TUBGCP6: variants seen among roughly 807,000 people sequenced by gnomAD.
The protein encoded by TUBGCP6 is tubulin gamma complex component 6.
A neutral mutation model predicts 175.8 loss-of-function variants in TUBGCP6; 161 were observed. The observed-to-expected ratio is 0.92, with a 90% CI of 0.81 to 1.04. The LOEUF (loss-of-function observed/expected upper bound fraction) is 1.04, where lower values mean the gene tolerates loss of function less well. Among genes scored for constraint, TUBGCP6 ranks in the 50% least tolerant of loss-of-function variants. The probability of loss-of-function intolerance (pLI) is 0.00; values close to 1 mark genes in which losing one functional copy is unlikely to be tolerated. For missense variants in TUBGCP6, 2,572 were observed against 2,433.0 expected (o/e 1.06, Z -1.20); for synonymous variants, 1,173 against 1,030.5 (o/e 1.14, Z -2.65).
At chr22:50,223,950 C>G (rs984035980) in intron 13 of TUBGCP6, 191 bp downstream of exon 13, 2 of 603,136 alleles carry the variant, frequency 3.3e-6, no homozygotes, top group Non-Finnish European at 5.9e-6. Context: ...AGACAACGCG[C>G]AGAACAGCTA....
chr22:50,233,551 C>A, intron 2 of TUBGCP6, 25 bp from the exon 3 acceptor site: 2 of 1,576,620 alleles, frequency 1.3e-6, no homozygotes, highest in East Asian at 4.6e-5. Flanking sequence ...GAAGAGAGGC[C>A]ATGAGCAGAC....
chr22:50,220,953 G>A lies in TUBGCP6; in HGVS notation c.3406C>T (p.His1136Tyr), dbSNP rs1355551006. 6.2e-7 allele frequency: 1 copy of A among 1,606,766 alleles called. No homozygotes were observed. Among genetic ancestry groups the A allele is most frequent in the East Asian group, 2.2e-5 (1 of 44,702 alleles). Residue 1136 changes from histidine (H) to tyrosine (Y), a missense_variant, in exon 16 of 25, where the codon CAC becomes TAC. Coordinates refer to ENST00000248846, the MANE Select transcript of TUBGCP6 (RefSeq NM_020461.4). The part of the protein sequence containing the change: ...PTRPRWNTHG[H>Y]VSNASIRVGE... ...ACCCTGATGCTGGCGTTGGACACGT[G>A]CCCGTGGGTATTCCACCGTGGCCTG... is the stretch of plus-strand genomic sequence containing the variant.
At chr22:50,230,587 C>CA (rs2064674768) in intron 3 of TUBGCP6, among the ~76,000 whole-genome samples, 1 of 144,650 alleles carries the variant, frequency 6.9e-6, no homozygotes, top group South Asian at 2.2e-4. Context: ...GCCTGGGAGA[C>CA]AGAGCAAGAC....
rs1006508191 is a variant in TUBGCP6, at chr22:50,223,093, T to C, written c.2271-501A>G. The C allele has an allele frequency of 2.4e-4, 38 of 158,782 alleles. 1 individual carries two copies. The highest frequency in any genetic ancestry group is 1.4e-4 in the Non-Finnish European group (10 of 71,690). The allele number at this position is 158,782 out of a possible 1,614,324, so 9.8% of individuals were successfully genotyped here. The stretch of plus-strand genomic sequence containing the variant: ...ACCAGCAGGCAACTGGGCTCAAACC[T>C]GGACTGGCCAGCTCTAATTTGGCTG... On this transcript the variant is annotated intron_variant, in intron 13 of 24. Coordinates refer to ENST00000248846, the MANE Select transcript of TUBGCP6 (RefSeq NM_020461.4).
Position 50,244,221 on chromosome 22 carries a change from C to G in TUBGCP6, c.239G>C (p.Gly80Ala). The change falls in exon 1 of 25, where the codon GGT (glycine) becomes GCT (alanine). Residue 80 changes from glycine (G) to alanine (A), a missense_variant. Coordinates refer to ENST00000248846, the MANE Select transcript of TUBGCP6 (RefSeq NM_020461.4). ...ACGGTCGGCCTTGGGGCCCAGGCCA[C>G]CCACTCTCAAGTCAAAGGACAACAT... ...ILMLSFDLRV[G>A]GLGPKADRLE... The G allele has an allele frequency of 6.2e-7, 1 of 1,613,420 alleles. No individual in the cohort carries two copies. Among genetic ancestry groups the G allele is most frequent in the Non-Finnish European group, 8.5e-7 (1 of 1,180,050 alleles).
At position 50,219,545 on chromosome 22, in the gene TUBGCP6, T is replaced by C. The variant is rs548863003; in HGVS notation, c.4316-89A>G. The C allele has an allele frequency of 3.6e-4, 569 of 1,583,952 alleles. 2 individuals are homozygous for C. The East Asian group carries it at 5.6e-3, about 16-fold the overall frequency. On this transcript the variant is annotated intron_variant, in intron 18 of 24. Transcript: ENST00000248846. ...AGGAGATGGAGCACGTGCTGGGAAC[T>C]GGCTAGCCCAGGGCTCCGCCCCAAC...
At position 50,227,014 on chromosome 22, in the gene TUBGCP6, C is replaced by G. The variant is rs553475733; in HGVS notation, c.1476G>C (p.Arg492Ser). The G allele has an allele frequency of 1.4e-5, 23 of 1,612,200 alleles. No homozygotes were observed. The South Asian group carries it at 2.4e-4, about 17-fold the overall frequency. ...CACAACTCACGGTGGGAAACGCGGC[C>G]CTGGGGCCTCCTCCACAGGTGCCCG... ...VLPGTCGGGPRAAFPTGVKLL... is the reference protein window; with the variant it reads ...VLPGTCGGGPSAAFPTGVKLL... The change falls in exon 6 of 25, where the codon AGG (arginine) becomes AGC (serine). Residue 492 changes from arginine to serine, a missense_variant. Transcript: ENST00000248846.
rs566984799 is a variant in TUBGCP6, at chr22:50,240,257, T to C, written c.852A>G (p.Glu284=). The change falls in exon 2 of 25, where the codon GAA becomes GAG. Residue 284 remains glutamate (E), a synonymous_variant. Coordinates refer to ENST00000248846, the MANE Select transcript of TUBGCP6 (RefSeq NM_020461.4). ...TGCTGGCCTCATAGGTAAGTGCGGC[T>C]TCCCACAGGTCCACGTCTGGGGTCA... ...PSVTPDVDLW[E]AALTYEASKR... is the part of the protein sequence containing the mutation. 1.5e-5 allele frequency: 24 copies of C among 1,613,972 alleles called. No homozygotes were observed. In the East Asian group the frequency reaches 4.5e-4, roughly 30 times the overall value.
chr22:50,220,202 C>T, intron 16 of TUBGCP6, 49 bp downstream of exon 16: 2 of 1,547,776 alleles, frequency 1.3e-6, no homozygotes, highest in Non-Finnish European at 1.8e-6. Flanking sequence ...CTCCCAGGCT[C>T]TGTGCGTCCC....
intron 14 of TUBGCP6, 36 bp from the exon 15 acceptor site, chr22:50,222,138 G>T: frequency 6.2e-7 from 1 of 1,603,914 alleles, no homozygotes; most frequent in East Asian, 2.2e-5. Flanking sequence ...TGGCCAAGCC[G>T]GAGTCAAGCA....
chr22:50,229,992 CAG>C (rs1288732503), intron 3 of TUBGCP6, among the ~76,000 whole-genome samples: 3 of 152,062 alleles, frequency 2.0e-5, no homozygotes. Context: ...TGTTTATAAC[CAG>C]AGAGTGGAGA....
Position 50,220,331 on chromosome 22 carries a change from A to G in TUBGCP6, c.4028T>C (p.Val1343Ala). ...AGCCACGTCTGACACGTTCTCCCCC[A>G]CGCTGATGCTCCCCTCCCCGCAGCC... ...SSGCGEGSIS[V>A]GENVSDVAPT... is the part of the protein sequence containing the mutation. The change falls in exon 16 of 25, where the codon GTG becomes GCG. Residue 1343 changes from valine to alanine, a missense_variant. By Grantham distance (64) the Val-to-Ala change is moderately conservative. Coordinates refer to ENST00000248846, the MANE Select transcript of TUBGCP6 (RefSeq NM_020461.4). 1 of 1,576,798 alleles carries G rather than the reference A, an allele frequency of 6.3e-7. No individual in the cohort carries two copies.
At position 50,244,066 on chromosome 22, in the gene TUBGCP6, A is replaced by T; in HGVS notation, c.394T>A (p.Tyr132Asn). 1 of 1,614,018 alleles carries T rather than the reference A, an allele frequency of 6.2e-7. No homozygotes were observed. The highest frequency in any genetic ancestry group is 8.5e-7 in the Non-Finnish European group (1 of 1,180,030). ...CCCACATGCTTGTTGTTAAGGAAGTAGTCTCGTTTTCTCGGCAGAACTTGA... is the reference window on the plus strand; with the variant it reads ...CCCACATGCTTGTTGTTAAGGAAGTTGTCTCGTTTTCTCGGCAGAACTTGA... ...PPQVLPRKRDYFLNNKHVGRN... is the reference protein window; with the variant it reads ...PPQVLPRKRDNFLNNKHVGRN... Residue 132 changes from tyrosine (Y) to asparagine (N), a missense_variant, in exon 1 of 25, where the codon TAC becomes AAC. Coordinates refer to ENST00000248846, the MANE Select transcript of TUBGCP6 (RefSeq NM_020461.4).
chr22:50,227,160 T>A, intron 5 of TUBGCP6, 83 bp from the exon 6 acceptor site: 3 of 1,269,472 alleles, frequency 2.4e-6, no homozygotes, highest in Non-Finnish European at 3.3e-6. Context: ...AGTCTCCACG[T>A]ATCTTTATGC....
At chr22:50,242,572 C>A (rs558992336) in intron 1 of TUBGCP6, among the ~76,000 whole-genome samples, 1 of 152,198 alleles carries the variant, frequency 6.6e-6, no homozygotes, top group Admixed American at 6.5e-5. Context: ...ATCTAGCTAT[C>A]GCATAAGAAT....
intron 2 of TUBGCP6, among the ~76,000 whole-genome samples, chr22:50,236,623 C>T (rs962065228): frequency 2.6e-5 from 4 of 152,154 alleles, no homozygotes; most frequent in Non-Finnish European, 5.9e-5. Flanking sequence ...CACACTTTTA[C>T]TGGCCACCTC....
chr22:50,242,799 A>C (rs1217065616), intron 1 of TUBGCP6, among the ~76,000 whole-genome samples: 1 of 152,150 alleles, frequency 6.6e-6, no homozygotes, highest in Non-Finnish European at 1.5e-5. Flanking sequence ...TGAGTATTTT[A>C]TTTTGTTTTA....
At position 50,222,120 on chromosome 22, in the gene TUBGCP6, G is replaced by C. The variant is rs201629477; in HGVS notation, c.2410-18C>G. 1.9e-6 allele frequency: 3 copies of C among 1,612,268 alleles called. No homozygotes were observed. Among genetic ancestry groups the C allele is most frequent in the Non-Finnish European group, 2.5e-6 (3 of 1,179,562 alleles). ...AGCATCTCCTGAAATTCAAGCCAGA[G>C]GGGTGACTGGCCAAGCCGGAGTCAA... On this transcript the variant is annotated intron_variant, in intron 14 of 24. Transcript: ENST00000248846.
At chr22:50,234,087 A>AC (rs1435332657) in intron 2 of TUBGCP6, among the ~76,000 whole-genome samples, 1 of 144,644 alleles carries the variant, frequency 6.9e-6, no homozygotes, top group African/African-American at 2.6e-5. Flanking sequence ...CATCATCCAT[A>AC]CCCCATCCAT....
Sources: allele counts gnomAD v4.1 joint callset (sites outside exome capture counted in the v4.1 genomes callset), GRCh38; gene constraint gnomAD v4.1.1; transcripts MANE v1.5; gene names NCBI Gene and HGNC (gene_info 2026-07-23, HGNC 2026-07-21).